The following ZFPM2 variants were observed in gnomAD, a reference collection of about 807,000 sequenced individuals.
ZFPM2 encodes zinc finger protein ZFPM2.
Under a neutral mutation model 98.6 loss-of-function variants are expected in ZFPM2, and 20 were observed. The observed-to-expected ratio is 0.20, with a 90% CI of 0.14 to 0.29. The LOEUF (loss-of-function observed/expected upper bound fraction) is 0.29. Among genes scored for constraint, ZFPM2 ranks in the 10% least tolerant of loss-of-function variants. ZFPM2 has a pLI of 1.00. For synonymous variants in ZFPM2, 518 were observed against 502.7 expected (o/e 1.03, Z -0.41); for missense variants, 1,310 against 1,388.6 (o/e 0.94, Z 0.90).
chr8:105,793,386 T>TTTTC (rs1474871244), intron 6 of ZFPM2, among the ~76,000 whole-genome samples: 3 of 152,222 alleles, frequency 2.0e-5, no homozygotes, highest in Admixed American at 2.0e-4. Context: ...TTGAAAATTC[T>TTTTC]TTTCTTTAAG....
intron 5 of ZFPM2, among the ~76,000 whole-genome samples, chr8:105,649,264 T>C (rs1383045504): frequency 2.0e-5 from 3 of 152,220 alleles, no homozygotes; most frequent in Non-Finnish European, 4.4e-5. Context: ...GCTTATCAGC[T>C]TAAGGAGATT....
At chr8:105,486,993 A>C (rs1206364266) in intron 3 of ZFPM2, among the ~76,000 whole-genome samples, 1 of 152,202 alleles carries the variant, frequency 6.6e-6, no homozygotes, top group African/African-American at 2.4e-5. Flanking sequence ...TAAACTCACA[A>C]GTCTGATGAA....
chr8:105,691,094 G>A (rs1319935311), intron 5 of ZFPM2, among the ~76,000 whole-genome samples: 4 of 152,032 alleles, frequency 2.6e-5, no homozygotes, highest in Admixed American at 2.0e-4. Context: ...AGGTATGTTA[G>A]CCTTCTTTTA....
In ZFPM2 at chr8:105,440,933, C is replaced by T. The variant is rs544431424; in HGVS notation, c.200-3347C>T. Among the ~76,000 whole-genome samples the T allele has an allele frequency of 6.6e-4, 100 of 152,032 alleles. 2 individuals are homozygous for T. The South Asian group carries it at 0.021, about 31-fold the overall frequency. On this transcript the variant is annotated intron_variant, in intron 2 of 7. Transcript: ENST00000407775. ...ATGGGAGGCTGAGGCGGGTGGATCACGAGGTCAAGAGATCGCGACCATCCT... is the reference window on the plus strand; with the variant it reads ...ATGGGAGGCTGAGGCGGGTGGATCATGAGGTCAAGAGATCGCGACCATCCT...
chr8:105,534,855 GC>G, intron 3 of ZFPM2, among the ~76,000 whole-genome samples: 1 of 152,256 alleles, frequency 6.6e-6, no homozygotes, highest in East Asian at 1.9e-4. Context: ...GAAAATGATT[GC>G]TTTGGCTGTG....
At chr8:105,723,857 T>G (rs1428339296) in intron 5 of ZFPM2, among the ~76,000 whole-genome samples, 1 of 151,876 alleles carries the variant, frequency 6.6e-6, no homozygotes, top group Non-Finnish European at 1.5e-5. Flanking sequence ...CAGAATAGAA[T>G]ACTTTCATTG....
chr8:105,783,837 C>A (rs1813334563), intron 5 of ZFPM2, among the ~76,000 whole-genome samples: 1 of 151,982 alleles, frequency 6.6e-6, no homozygotes, highest in African/African-American at 2.4e-5. Context: ...TGAACCATGC[C>A]ACTATGAGCC....
intron 4 of ZFPM2, among the ~76,000 whole-genome samples, chr8:105,597,094 G>T (rs1815987000): frequency 1.3e-5 from 2 of 151,744 alleles, no homozygotes; most frequent in African/African-American, 4.8e-5. Context: ...TTTGAAAGCT[G>T]TACCTTGGTA....
intron 2 of ZFPM2, among the ~76,000 whole-genome samples, chr8:105,440,873 C>A (rs937503782): frequency 6.6e-6 from 1 of 152,128 alleles, no homozygotes; most frequent in Non-Finnish European, 1.5e-5. Context: ...GGCCAAGGGA[C>A]GGGAGCGGTG....
At chr8:105,583,141 G>A (rs1406477329) in intron 4 of ZFPM2, among the ~76,000 whole-genome samples, 3 of 152,012 alleles carry the variant, frequency 2.0e-5, no homozygotes, top group African/African-American at 2.4e-5. Context: ...TCCTTACTGG[G>A]TAATATAATC....
At chr8:105,636,472 G>T (rs1816849497) in intron 5 of ZFPM2, among the ~76,000 whole-genome samples, 1 of 152,166 alleles carries the variant, frequency 6.6e-6, no homozygotes, top group African/African-American at 2.4e-5. Context: ...AATTGTATGT[G>T]CTTCTCTCAT....
At chr8:105,362,462 T>G (rs1484278408) in intron 1 of ZFPM2, among the ~76,000 whole-genome samples, 1 of 152,190 alleles carries the variant, frequency 6.6e-6, no homozygotes, top group Non-Finnish European at 1.5e-5. Context: ...CTATTAGTGA[T>G]ACTGAGATGC....
intron 1 of ZFPM2, among the ~76,000 whole-genome samples, chr8:105,386,144 A>G (rs777827509): frequency 6.6e-6 from 1 of 152,204 alleles, no homozygotes; most frequent in Admixed American, 6.5e-5. Flanking sequence ...AATTAGAAAA[A>G]GTCTTTTGAA....
chr8:105,470,555 C>A (rs1812882037), intron 3 of ZFPM2, among the ~76,000 whole-genome samples: 1 of 152,130 alleles, frequency 6.6e-6, no homozygotes, highest in South Asian at 2.1e-4. Context: ...GTGGGCAGAT[C>A]ACCTGAGAGG....
chr8:105,631,700 C>CA (rs1164577353), intron 4 of ZFPM2, among the ~76,000 whole-genome samples: 1 of 151,944 alleles, frequency 6.6e-6, no homozygotes, highest in African/African-American at 2.4e-5. Flanking sequence ...TATCCTTCAC[C>CA]AAAAAAGACA....
intron 5 of ZFPM2, among the ~76,000 whole-genome samples, chr8:105,770,141 G>A (rs1812948657): frequency 6.6e-6 from 1 of 151,976 alleles, no homozygotes; most frequent in Non-Finnish European, 1.5e-5. Flanking sequence ...AGTGAATCAT[G>A]AGAATACTGG....
intron 3 of ZFPM2, among the ~76,000 whole-genome samples, chr8:105,452,757 A>C (rs1020544623): frequency 6.6e-6 from 1 of 152,000 alleles, no homozygotes; most frequent in Non-Finnish European, 1.5e-5. Context: ...GTCTCAAACA[A>C]CAACAACAAC....
intron 1 of ZFPM2, among the ~76,000 whole-genome samples, chr8:105,401,908 G>A (rs972723080): frequency 6.6e-6 from 1 of 152,010 alleles, no homozygotes; most frequent in African/African-American, 2.4e-5. Flanking sequence ...ATGGAATCTT[G>A]TAAAGATTTA....
intron 2 of ZFPM2, among the ~76,000 whole-genome samples, chr8:105,431,712 GACA>G (rs1812023290): frequency 6.6e-6 from 1 of 152,018 alleles, no homozygotes; most frequent in South Asian, 2.1e-4. Context: ...CCAGGAGTTT[GACA>G]CCAGGTTGGC....
Sources: gnomAD v4.1 joint callset for allele counts (sites outside exome capture counted in the v4.1 genomes callset) on GRCh38, gnomAD v4.1.1 for gene constraint, MANE v1.5 for transcripts, NCBI Gene and HGNC (gene_info 2026-07-23, HGNC 2026-07-21) for gene names.